The following PRELID2 variants were observed in gnomAD, a reference collection of about 807,000 sequenced individuals.
PRELID2 encodes PRELI domain containing 2.
Under a neutral mutation model 28.4 loss-of-function variants are expected in PRELID2, and 25 were observed. The observed-to-expected ratio is 0.88, with a 90% CI of 0.64 to 1.23. The LOEUF (loss-of-function observed/expected upper bound fraction) is 1.23. PRELID2 is among the 50% of genes most tolerant of loss of function. The pLI is 0.00. For missense variants in PRELID2, 201 were observed against 214.4 expected, an observed-to-expected ratio of 0.94 and a Z score of 0.39; for synonymous variants, 76 against 71.6, an observed-to-expected ratio of 1.06 and a Z score of -0.31.
chr5:145,411,235 C>A, the PRELID2 span, among the ~76,000 whole-genome samples: 2 of 152,126 alleles, frequency 1.3e-5, no homozygotes, highest in African/African-American at 4.8e-5. Flanking sequence ...TGGATGACAG[C>A]AGGCAAAGAG....
rs1046545880 is a variant in PRELID2, at chr5:145,573,156, TC to T, written n.71-99842del. ...AGGGGCTGCCTTCTCCTGACCCTTT[TC>T]CCCCTCATATACACATAACTTTTTG... On this transcript the variant is annotated intron_variant and non_coding_transcript_variant, in intron 1 of 2. Transcript: ENST00000510259. Among the ~76,000 whole-genome samples the T allele has an allele frequency of 4.0e-4, 61 of 152,108 alleles. 2 individuals are homozygous for T. Among genetic ancestry groups the T allele is most frequent in the East Asian group, 3.3e-3 (17 of 5,164 alleles).
At chr5:145,415,074 T>C in the PRELID2 span, among the ~76,000 whole-genome samples, 1 of 152,044 alleles carries the variant, frequency 6.6e-6, no homozygotes, top group South Asian at 2.1e-4. Context: ...TCCTCTAAAA[T>C]TGATCACATA....
chr5:145,460,701 A>T, the PRELID2 span, among the ~76,000 whole-genome samples: 1 of 152,358 alleles, frequency 6.6e-6, no homozygotes, highest in Non-Finnish European at 1.5e-5. Flanking sequence ...AACTAAGGTC[A>T]CAGGAATTTA....
intron 1 of PRELID2, among the ~76,000 whole-genome samples, chr5:145,667,787 C>G (rs1180442195): frequency 1.3e-5 from 2 of 152,036 alleles, no homozygotes; most frequent in East Asian, 3.9e-4. Context: ...AACCCACTAG[C>G]ACCATACCTT....
intron 1 of PRELID2, among the ~76,000 whole-genome samples, chr5:145,570,143 T>C (rs923079156): frequency 7.2e-5 from 11 of 152,276 alleles, no homozygotes; most frequent in African/African-American, 2.4e-4. Flanking sequence ...TTTCTCTTTT[T>C]ATAAGTATAC....
chr5:145,794,827 T>C (rs979132048), intron 5 of PRELID2, among the ~76,000 whole-genome samples: 2 of 152,148 alleles, frequency 1.3e-5, no homozygotes, highest in Non-Finnish European at 2.9e-5. Context: ...ATCAGATTAA[T>C]TGATGCATCA....
At chr5:145,620,221 A>G (rs143769318) in intron 1 of PRELID2, among the ~76,000 whole-genome samples, 19 of 152,360 alleles carry the variant, frequency 1.2e-4, no homozygotes, top group South Asian at 1.2e-3. Flanking sequence ...CATAAATTAA[A>G]GAAAAATCTA....
the PRELID2 span, among the ~76,000 whole-genome samples, chr5:145,257,390 A>G: frequency 6.6e-6 from 1 of 152,110 alleles, no homozygotes; most frequent in Non-Finnish European, 1.5e-5. Flanking sequence ...GGTATAATTA[A>G]AATCAAAAGA....
the PRELID2 span, among the ~76,000 whole-genome samples, chr5:145,386,334 T>C: frequency 1.3e-5 from 2 of 152,098 alleles, no homozygotes; most frequent in Non-Finnish European, 2.9e-5. Flanking sequence ...AGGTGGATTA[T>C]GAGAACCACA....
chr5:145,616,984 G>C (rs1452268184), intron 1 of PRELID2, among the ~76,000 whole-genome samples: 1 of 152,070 alleles, frequency 6.6e-6, no homozygotes, highest in Non-Finnish European at 1.5e-5. Context: ...CGCTTTCTCA[G>C]GGATGTTCCT....
At chr5:145,296,188 TTTTTA>T in the PRELID2 span, among the ~76,000 whole-genome samples, 1 of 151,474 alleles carries the variant, frequency 6.6e-6, no homozygotes, top group African/African-American at 2.4e-5. Flanking sequence ...TTTATTTATT[TTTTTA>T]TTTTATTATT....
chr5:145,281,644 T>C, the PRELID2 span, among the ~76,000 whole-genome samples: 1 of 152,206 alleles, frequency 6.6e-6, no homozygotes, highest in African/African-American at 2.4e-5. Context: ...TGTTCCCACA[T>C]GGAATGAGCA....
chr5:145,576,553 G>C (rs1561509251), intron 1 of PRELID2, among the ~76,000 whole-genome samples: 1 of 151,748 alleles, frequency 6.6e-6, no homozygotes, highest in Non-Finnish European at 1.5e-5. Context: ...TGGCAGAATA[G>C]AACTCTCCAG....
intron 5 of PRELID2, among the ~76,000 whole-genome samples, chr5:145,771,673 T>C (rs1408676234): frequency 6.6e-6 from 1 of 151,852 alleles, no homozygotes; most frequent in Non-Finnish European, 1.5e-5. Context: ...CTAACCAACA[T>C]GGAGAAACGC....
the PRELID2 span, among the ~76,000 whole-genome samples, chr5:145,372,145 T>C: frequency 6.6e-6 from 1 of 152,230 alleles, no homozygotes; most frequent in South Asian, 2.1e-4. Context: ...GAATGTTGTC[T>C]CTTTGTTCTC....
intron 1 of PRELID2, among the ~76,000 whole-genome samples, chr5:145,587,322 T>G (rs1561511464): frequency 6.6e-6 from 1 of 152,150 alleles, no homozygotes; most frequent in Non-Finnish European, 1.5e-5. Flanking sequence ...TGCAGAGACT[T>G]ACGTTATCCT....
At chr5:145,645,900 C>T (rs570403079) in intron 1 of PRELID2, among the ~76,000 whole-genome samples, 12 of 152,258 alleles carry the variant, frequency 7.9e-5, no homozygotes, top group African/African-American at 9.6e-5. Context: ...AGAAAAGATC[C>T]GCTGTTAATC....
chr5:145,774,642 G>T (rs75953343), intron 5 of PRELID2, among the ~76,000 whole-genome samples: 5,335 of 152,238 alleles, frequency 0.035, 146 homozygotes, highest in East Asian at 0.076. Flanking sequence ...CTCACCTCAT[G>T]CTTGCTCACA....
intron 1 of PRELID2, among the ~76,000 whole-genome samples, chr5:145,595,584 C>A (rs1335902807): frequency 6.6e-6 from 1 of 152,114 alleles, no homozygotes; most frequent in African/African-American, 2.4e-5. Flanking sequence ...ATGCCATACC[C>A]TGGTCGTTAA....
Sources: gnomAD v4.1 joint callset for allele counts (sites outside exome capture counted in the v4.1 genomes callset) on GRCh38, gnomAD v4.1.1 for gene constraint, MANE v1.5 for transcripts, NCBI Gene and HGNC (gene_info 2026-07-23, HGNC 2026-07-21) for gene names.